Variants in SNX29 observed in about 807,000 individuals in gnomAD.
SNX29 encodes the protein sorting nexin 29.
Under a neutral mutation model 102.1 loss-of-function variants are expected in SNX29, and 78 were observed. The observed-to-expected ratio is 0.76, with a 90% confidence interval of 0.64 to 0.92. The LOEUF is 0.92. Among genes scored for constraint, SNX29 ranks in the 40% least tolerant of loss-of-function variants. SNX29 has a pLI of 0.00. For missense variants in SNX29, 1,280 were observed against 1,061.7 expected (o/e 1.21, Z -2.86); for synonymous variants, 580 against 414.5 (o/e 1.40, Z -4.85).
chr16:12,530,621 T>C (rs767738236), intron 20 of SNX29, among the ~76,000 whole-genome samples: 117 of 151,244 alleles, frequency 7.7e-4, no homozygotes, highest in Non-Finnish European at 1.3e-3. Context: ...AGTGGCGCAA[T>C]CTCAGCTCAC....
intron 15 of SNX29, among the ~76,000 whole-genome samples, chr16:12,309,378 G>T (rs1431854265): frequency 6.6e-6 from 1 of 152,210 alleles, no homozygotes; most frequent in Non-Finnish European, 1.5e-5. Context: ...GCAGTGCATG[G>T]TCTCTGCTCA....
At chr16:12,542,121 C>T (rs949240365) in intron 20 of SNX29, among the ~76,000 whole-genome samples, 16 of 152,054 alleles carry the variant, frequency 1.1e-4, no homozygotes, top group African/African-American at 3.1e-4. Flanking sequence ...CTAAATTGAG[C>T]CAGCATTTCC....
rs2079193901 is a variant in SNX29 at position 12,571,822 on chromosome 16, A to G, written c.*3193A>G. On this transcript the variant is annotated 3_prime_UTR_variant, in exon 21 of 21. Transcript: ENST00000566228. Reference sequence around the variant, plus strand: ...TCAGTGTGAAATTCCAGCTTCTTTGATTCCCACTTAGCAGTATGCTCCAAT... The same window carrying G: ...TCAGTGTGAAATTCCAGCTTCTTTGGTTCCCACTTAGCAGTATGCTCCAAT... The G allele has an allele frequency of 7.7e-6, 8 of 1,039,912 alleles. No individual in the cohort carries two copies. In the South Asian group the frequency reaches 2.8e-4, roughly 36 times the overall value. The allele number at this position is 1,039,912 out of a possible 1,614,324, so 64.4% of individuals were successfully genotyped here.
intron 14 of SNX29, 46 bp from the exon 15 acceptor site, chr16:12,277,887 T>A: frequency 6.6e-7 from 1 of 1,516,524 alleles, no homozygotes. Context: ...GAGAATAATT[T>A]TCGATACTGT....
intron 14 of SNX29, among the ~76,000 whole-genome samples, chr16:12,228,938 C>T (rs563337304): frequency 8.7e-4 from 132 of 152,364 alleles, no homozygotes; most frequent in Non-Finnish European, 1.3e-3. Context: ...TCCACCGAGT[C>T]TTCTGACTCC....
At chr16:12,417,986 G>C (rs1304991361) in intron 18 of SNX29, among the ~76,000 whole-genome samples, 1 of 152,170 alleles carries the variant, frequency 6.6e-6, no homozygotes, top group Non-Finnish European at 1.5e-5. Context: ...CTCCTGGGAA[G>C]GGGAAGGGAA....
At chr16:12,026,437 A>G (rs2057192987) in intron 3 of SNX29, among the ~76,000 whole-genome samples, 1 of 152,178 alleles carries the variant, frequency 6.6e-6, no homozygotes, top group Non-Finnish European at 1.5e-5. Flanking sequence ...GGCATGTGGG[A>G]GACATTCAGA....
chr16:12,564,079 TTTGTAATATCTTTGTAAAATCCTCCTTGA>T (rs2078884028), intron 20 of SNX29, among the ~76,000 whole-genome samples: 1 of 151,990 alleles, frequency 6.6e-6, no homozygotes, highest in African/African-American at 2.4e-5. Flanking sequence ...ATTTTGGGAG[TTTGTAATATCTTTGTAAAATCCTCCTTGA>T]TTGGGTGTGG....
chr16:12,355,674 G>A (rs140921363), intron 15 of SNX29, among the ~76,000 whole-genome samples: 364 of 151,912 alleles, frequency 2.4e-3, no homozygotes, highest in African/African-American at 8.6e-3. Context: ...TATTTATTGG[G>A]GATCAGCTGA....
chr16:12,264,591 G>A (rs1039326727), intron 14 of SNX29, among the ~76,000 whole-genome samples: 2 of 152,136 alleles, frequency 1.3e-5, no homozygotes, highest in African/African-American at 4.8e-5. Context: ...AGACGAGCCT[G>A]GCTAACAAGG....
chr16:12,475,609 A>G (rs958047203), intron 18 of SNX29, among the ~76,000 whole-genome samples: 13 of 152,228 alleles, frequency 8.5e-5, no homozygotes, highest in South Asian at 2.1e-4. Context: ...TCTACCTTCA[A>G]CCTGTTCAGA....
At chr16:12,516,443 G>C (rs1469690075) in intron 19 of SNX29, among the ~76,000 whole-genome samples, 4 of 142,562 alleles carry the variant, frequency 2.8e-5, no homozygotes, top group African/African-American at 1.1e-4. Flanking sequence ...TTGTACCACT[G>C]CACTTCAGTC....
chr16:12,471,721 A>T (rs1425863031), intron 18 of SNX29, among the ~76,000 whole-genome samples: 1 of 152,276 alleles, frequency 6.6e-6, no homozygotes, highest in Non-Finnish European at 1.5e-5. Flanking sequence ...TAAATTCAGG[A>T]TTAACATAAA....
chr16:12,113,788 C>T (rs1287593426), intron 11 of SNX29, among the ~76,000 whole-genome samples: 1 of 152,210 alleles, frequency 6.6e-6, no homozygotes, highest in African/African-American at 2.4e-5. Context: ...TGCATTTGGC[C>T]GGCGAGCGGC....
chr16:11,993,608 C>G (rs912650197), intron 1 of SNX29, among the ~76,000 whole-genome samples: 2 of 152,048 alleles, frequency 1.3e-5, no homozygotes, highest in Admixed American at 1.3e-4. Context: ...TATGATGAGC[C>G]TGAAGGAGGG....
chr16:12,102,116 A>G (rs913091701), intron 11 of SNX29, among the ~76,000 whole-genome samples: 1 of 152,170 alleles, frequency 6.6e-6, no homozygotes, highest in Non-Finnish European at 1.5e-5. Flanking sequence ...TTATGGCTGC[A>G]TAGTATTCCA....
At chr16:12,310,611 G>C (rs1425743120) in intron 15 of SNX29, among the ~76,000 whole-genome samples, 1 of 152,212 alleles carries the variant, frequency 6.6e-6, no homozygotes, top group Non-Finnish European at 1.5e-5. Context: ...ACAGAAAGCA[G>C]ATCACTGGCG....
At chr16:12,200,774 C>T (rs539230015) in intron 14 of SNX29, among the ~76,000 whole-genome samples, 185 of 152,258 alleles carry the variant, frequency 1.2e-3, no homozygotes, top group Admixed American at 2.3e-3. Flanking sequence ...CATGAGCCAC[C>T]GCTCCCAGCC....
intron 14 of SNX29, among the ~76,000 whole-genome samples, chr16:12,247,380 T>G (rs536770430): frequency 1.3e-5 from 2 of 152,254 alleles, no homozygotes; most frequent in Admixed American, 6.5e-5. Flanking sequence ...CTTCCTTTAC[T>G]TAATTTTCTT....
Sources: allele counts gnomAD v4.1 joint callset (sites outside exome capture counted in the v4.1 genomes callset), GRCh38; gene constraint gnomAD v4.1.1; transcripts MANE v1.5; gene names NCBI Gene and HGNC (gene_info 2026-07-23, HGNC 2026-07-21).